Variants in ZFAT observed in about 807,000 individuals in gnomAD.
The protein encoded by ZFAT is zinc finger protein ZFAT.
A neutral mutation model predicts 117.7 loss-of-function variants in ZFAT; 64 were observed. The ratio of observed to expected loss-of-function variants is 0.54; its 90% CI spans 0.44 to 0.67. The LOEUF (loss-of-function observed/expected upper bound fraction) is 0.67. Among genes scored for constraint, ZFAT ranks in the 30% least tolerant of loss-of-function variants. The pLI, the probability that ZFAT is intolerant of heterozygous loss-of-function variation, is 0.00. For missense variants in ZFAT, 1,433 were observed against 1,584.5 expected (o/e 0.90, Z 1.62); for synonymous variants, 679 against 615.0 (o/e 1.10, Z -1.54).
intron 1 of ZFAT, among the ~76,000 whole-genome samples, chr8:134,707,761 T>C (rs918230212): frequency 1.3e-5 from 2 of 152,294 alleles, no homozygotes; most frequent in Non-Finnish European, 2.9e-5. Flanking sequence ...ACCCCACCCA[T>C]CCTGCCTTGA....
rs1820625185 is a variant in ZFAT, at chr8:134,521,144, T to A, written c.3116-143A>T. The A allele has an allele frequency of 5.0e-6, 3 of 602,802 alleles. No individual in the cohort carries two copies. The East Asian group carries it at 8.4e-5, about 17-fold the overall frequency. The allele number at this position is 602,802 out of a possible 1,614,324, so 37.3% of individuals were successfully genotyped here. A position where few individuals can be genotyped will look rare whatever the true frequency, so the allele number is the denominator to read the frequency against. The stretch of plus-strand genomic sequence containing the variant: ...TGTATTCAATTCAAGCTTACCTTAG[T>A]ATTGGAACACAATAGCAACAGTATA... On this transcript the variant is annotated intron_variant, in intron 12 of 15. Coordinates refer to ENST00000377838, the MANE Select transcript of ZFAT (RefSeq NM_020863.4).
chr8:134,783,918 G>T, the ZFAT span: 1 of 152,186 alleles, frequency 6.6e-6, no homozygotes, highest in Admixed American at 6.6e-5. Flanking sequence ...TTTTTATTGG[G>T]TGTTAGTCAC....
intron 1 of ZFAT, among the ~76,000 whole-genome samples, chr8:134,696,267 A>G (rs1563771577): frequency 1.3e-5 from 2 of 152,212 alleles, no homozygotes; most frequent in Non-Finnish European, 2.9e-5. Context: ...ATCTCTAGCC[A>G]ACCAAGGCAG....
Position 134,479,000 on chromosome 8 carries a change from G to A in ZFAT, c.3493-279C>T, listed in dbSNP as rs759596332. ...AGTCCGAGGTTGTTTCTGATGCCGA[G>A]CTGCTTCCCGGGGCTTCCAGGAGGT... On this transcript the variant is annotated intron_variant, in intron 15 of 15. Coordinates refer to ENST00000377838, the MANE Select transcript of ZFAT (RefSeq NM_020863.4). The surrounding 1 kb of genome is among the most constrained non-coding windows in gnomAD (Gnocchi z 5.2). 1.6e-4 allele frequency among the ~76,000 whole-genome samples: 25 copies of A among 152,298 alleles called. No individual in the cohort carries two copies. The highest frequency in any genetic ancestry group is 3.4e-3 in the Middle Eastern group (1 of 294).
rs115785679 is a variant in ZFAT at position 134,647,764 on chromosome 8, G to A, written c.196+9797C>T. 2.4e-3 allele frequency among the ~76,000 whole-genome samples: 370 copies of A among 151,986 alleles called. 1 individual carries two copies. Among genetic ancestry groups the A allele is most frequent in the African/African-American group, 8.6e-3 (356 of 41,466 alleles). On this transcript the variant is annotated intron_variant, in intron 2 of 15. Coordinates refer to ENST00000377838, the MANE Select transcript of ZFAT (RefSeq NM_020863.4). ...AGAAAACGATCCCATTTATAATAGC[G>A]TCGAAAAAAATACTTAGGCATAAAT...
intron 10 of ZFAT, among the ~76,000 whole-genome samples, chr8:134,576,780 C>T (rs1393982986): frequency 6.6e-6 from 1 of 152,214 alleles, no homozygotes; most frequent in African/African-American, 2.4e-5. Context: ...AGGGTACTTA[C>T]TCCACTCAAA....
At chr8:134,666,849 T>G (rs1383229221) in intron 1 of ZFAT, among the ~76,000 whole-genome samples, 1 of 152,132 alleles carries the variant, frequency 6.6e-6, no homozygotes, top group Non-Finnish European at 1.5e-5. Context: ...TCAAAGAAAT[T>G]ATAGCTGAAA....
intron 11 of ZFAT, among the ~76,000 whole-genome samples, chr8:134,536,304 T>C (rs1821836370): frequency 6.6e-6 from 1 of 152,216 alleles, no homozygotes; most frequent in Non-Finnish European, 1.5e-5. Context: ...CAGTCTGCTA[T>C]CTACTTAGCC....
the ZFAT span, among the ~76,000 whole-genome samples, chr8:134,761,101 G>A: frequency 6.6e-6 from 1 of 152,186 alleles, no homozygotes; most frequent in African/African-American, 2.4e-5. Flanking sequence ...GTGAGACAAA[G>A]AGCCTGGTAT....
chr8:134,683,582 G>T (rs1833171289), intron 1 of ZFAT, among the ~76,000 whole-genome samples: 1 of 152,202 alleles, frequency 6.6e-6, no homozygotes, highest in African/African-American at 2.4e-5. Context: ...CACACAGCCA[G>T]TGGGGGCAGA....
chr8:134,799,061 T>C, the ZFAT span, among the ~76,000 whole-genome samples: 14 of 152,174 alleles, frequency 9.2e-5, no homozygotes, highest in African/African-American at 3.1e-4. Context: ...CATAGTATGC[T>C]ATGCACCTAA....
chr8:134,512,347 G>A (rs1041723124), intron 14 of ZFAT, 128 bp downstream of exon 14: 1 of 1,402,390 alleles, frequency 7.1e-7, no homozygotes, highest in African/African-American at 1.4e-5. Flanking sequence ...TGCTTCTGCA[G>A]TCTGAACGCT....
At chr8:134,719,438 G>A in the ZFAT span, among the ~76,000 whole-genome samples, 8 of 152,314 alleles carry the variant, frequency 5.3e-5, no homozygotes, top group African/African-American at 1.9e-4. Context: ...GGGGACCAAA[G>A]AAGCCCAGCA....
intron 1 of ZFAT, among the ~76,000 whole-genome samples, chr8:134,662,150 T>C (rs1831965454): frequency 6.6e-6 from 1 of 151,804 alleles, no homozygotes; most frequent in African/African-American, 2.4e-5. Flanking sequence ...CTTCTTGCTG[T>C]GTCCTCACAT....
At chr8:134,666,538 A>C (rs1832226717) in intron 1 of ZFAT, among the ~76,000 whole-genome samples, 1 of 152,204 alleles carries the variant, frequency 6.6e-6, no homozygotes, top group Non-Finnish European at 1.5e-5. Flanking sequence ...CATCACAAAA[A>C]TGACTTCATG....
intron 1 of ZFAT, chr8:134,673,034 C>T (rs1163069101): frequency 1.3e-5 from 2 of 152,204 alleles, no homozygotes; most frequent in Non-Finnish European, 2.9e-5. Flanking sequence ...AAAAGCCTAT[C>T]TCTGTGGGAA....
In ZFAT at chr8:134,565,392, A is replaced by T; in HGVS notation, c.2917T>A (p.Tyr973Asn). 6.2e-7 allele frequency: 1 copy of T among 1,613,786 alleles called. No individual in the cohort carries two copies. Among genetic ancestry groups the T allele is most frequent in the Non-Finnish European group, 8.5e-7 (1 of 1,179,832 alleles). Residue 973 changes from tyrosine (Y) to asparagine (N), a missense_variant, in exon 11 of 16, where the codon TAC becomes AAC. By Grantham distance (143) the Tyr-to-Asn change is moderately radical. Transcript: ENST00000377838. Reference sequence around the variant, plus strand: ...AGCTGTGGCTTCTGGGCCGCTGTGTAGTCACACACCGTGCACTTAAACTGC... The same window carrying T: ...AGCTGTGGCTTCTGGGCCGCTGTGTTGTCACACACCGTGCACTTAAACTGC... ...GKQFKCTVCD[Y>N]TAAQKPQLLR...
rs183107241 is a variant in ZFAT, at chr8:134,676,413, G to A, written c.20-18676C>T. On this transcript the variant is annotated intron_variant, in intron 1 of 15. Coordinates refer to ENST00000377838, the MANE Select transcript of ZFAT (RefSeq NM_020863.4). ...AGAGCTAACTATCCTAAATATATAC[G>A]CACCCGATACAGGTGCACCCAGATT... Among the ~76,000 whole-genome samples the A allele has an allele frequency of 4.7e-3, 716 of 152,182 alleles. 3 individuals are homozygous for A. Among genetic ancestry groups the A allele is most frequent in the Middle Eastern group, 0.027 (8 of 294 alleles).
chr8:134,785,069 A>G, the ZFAT span: 1 of 152,204 alleles, frequency 6.6e-6, no homozygotes, highest in Non-Finnish European at 1.5e-5. Context: ...TAAAGTATGA[A>G]TTATTTTCTC....
Sources: allele counts gnomAD v4.1 joint callset (sites outside exome capture counted in the v4.1 genomes callset), GRCh38; gene constraint gnomAD v4.1.1; non-coding constraint Gnocchi (gnomAD v3.1); transcripts MANE v1.5; gene names NCBI Gene and HGNC (gene_info 2026-07-23, HGNC 2026-07-21).